DLC1: variants seen among roughly 807,000 people sequenced by gnomAD.
DLC1 encodes DLC1 Rho GTPase activating protein, also known as rho GTPase-activating protein 7.
In DLC1, 54 loss-of-function variants were observed where a neutral mutation model predicts 140.3. The ratio of observed to expected loss-of-function variants is 0.38; its 90% CI spans 0.31 to 0.48. DLC1 has a LOEUF of 0.48. Ranked by LOEUF, DLC1 falls within the 20% of genes least tolerant of loss-of-function variation. The pLI, the probability that DLC1 is intolerant of heterozygous loss-of-function variation, is 0.96. For synonymous variants in DLC1, 986 were observed against 728.1 expected, an observed-to-expected ratio of 1.35 and a Z score of -5.70; for missense variants, 2,536 against 1,907.0, an observed-to-expected ratio of 1.33 and a Z score of -6.14.
At chr8:13,471,584 C>T (rs1267999829) in intron 2 of DLC1, among the ~76,000 whole-genome samples, 1 of 151,606 alleles carries the variant, frequency 6.6e-6, no homozygotes, top group Non-Finnish European at 1.5e-5. Context: ...CGAATGGGTA[C>T]AAGGCTCAAT....
chr8:13,468,300 CT>C (rs1163103085), intron 2 of DLC1, among the ~76,000 whole-genome samples: 3 of 150,050 alleles, frequency 2.0e-5, no homozygotes, highest in Non-Finnish European at 4.4e-5. Context: ...AATAATAGTT[CT>C]TTTTTCCTTT....
chr8:13,180,506 C>A (rs1354424188), intron 5 of DLC1, among the ~76,000 whole-genome samples: 1 of 152,088 alleles, frequency 6.6e-6, no homozygotes, highest in African/African-American at 2.4e-5. Context: ...AAATCCCAAA[C>A]TAAGCACTTG....
intron 5 of DLC1, among the ~76,000 whole-genome samples, chr8:13,145,433 G>A: frequency 6.6e-6 from 1 of 152,124 alleles, no homozygotes; most frequent in Non-Finnish European, 1.5e-5. Flanking sequence ...ATTTCTCATA[G>A]AAAGGTGTGT....
intron 1 of DLC1, among the ~76,000 whole-genome samples, chr8:13,578,990 AACCGG>A (rs1335342264): frequency 2.0e-5 from 3 of 151,838 alleles, no homozygotes; most frequent in African/African-American, 7.2e-5. Context: ...TTCCTCTGGC[AACCGG>A]CTCCCATTCC....
At chr8:13,453,460 GTATATATATACATATATA>G (rs1563360260) in intron 2 of DLC1, among the ~76,000 whole-genome samples, 4 of 23,184 alleles carry the variant, frequency 1.7e-4, no homozygotes, top group South Asian at 1.4e-3. Context: ...ATATATATAT[GTATATATATACATATATA>G]TGTATATATA....
intron 5 of DLC1, among the ~76,000 whole-genome samples, chr8:13,188,318 G>A (rs2117010512): frequency 6.9e-6 from 1 of 144,412 alleles, no homozygotes; most frequent in East Asian, 2.1e-4. Context: ...CTTTTAAGAT[G>A]TCTACTTTGG....
At chr8:13,428,349 T>C (rs72603963) in intron 2 of DLC1, among the ~76,000 whole-genome samples, 13,635 of 152,178 alleles carry the variant, frequency 0.09, 707 homozygotes, top group East Asian at 0.14. Flanking sequence ...ACTTTAATTT[T>C]AATAGGCATG....
At chr8:13,454,922 G>C (rs1261153291) in intron 2 of DLC1, among the ~76,000 whole-genome samples, 1 of 152,096 alleles carries the variant, frequency 6.6e-6, no homozygotes, top group Non-Finnish European at 1.5e-5. Context: ...AGGTGGTAAA[G>C]ATTTTGGAGA....
chr8:13,450,524 C>G (rs144392821), intron 2 of DLC1, among the ~76,000 whole-genome samples: 23 of 148,334 alleles, frequency 1.6e-4, no homozygotes, highest in African/African-American at 5.5e-4. Context: ...TAGGGGTAGT[C>G]AAACTTAGAA....
intron 3 of DLC1, among the ~76,000 whole-genome samples, chr8:13,396,843 C>G (rs1011595255): frequency 6.6e-6 from 1 of 152,136 alleles, no homozygotes; most frequent in African/African-American, 2.4e-5. Context: ...CACATCCGCT[C>G]CCTCCTTTAA....
intron 2 of DLC1, among the ~76,000 whole-genome samples, chr8:13,464,766 T>A (rs112200542): frequency 0.12 from 895 of 7,184 alleles, 16 homozygotes; most frequent in Non-Finnish European, 0.15. Context: ...ATATATATAT[T>A]TATATATATA....
intron 2 of DLC1, among the ~76,000 whole-genome samples, chr8:13,456,042 A>G (rs1799372422): frequency 6.6e-6 from 1 of 152,204 alleles, no homozygotes; most frequent in Non-Finnish European, 1.5e-5. Flanking sequence ...GAGTGTTCTA[A>G]AGAATTAAAA....
At chr8:13,457,100 G>T (rs1212162037) in intron 2 of DLC1, among the ~76,000 whole-genome samples, 1 of 152,098 alleles carries the variant, frequency 6.6e-6, no homozygotes, top group African/African-American at 2.4e-5. Context: ...CCTTTTGGTT[G>T]CACTTAGTAT....
In DLC1 at chr8:13,568,125, T is replaced by C. The variant is rs1302280569; in HGVS notation, c.-126+36412A>G. 5 of 710,440 alleles carry C rather than the reference T, an allele frequency of 7.0e-6. No homozygotes were observed. In the African/African-American group the frequency reaches 9.1e-5, roughly 13 times the overall value. The allele number at this position is 710,440 out of a possible 1,614,324, so 44.0% of individuals were successfully genotyped here. On this transcript the variant is annotated intron_variant, in intron 1 of 1. Coordinates refer to the DLC1 transcript ENST00000631382. ...TTGTAGTTGGAATAGTTATAAAAAC[T>C]TTTACAAAATTCCAAGAGAACTATG...
chr8:13,553,063 T>C (rs1480853716), intron 1 of DLC1, among the ~76,000 whole-genome samples: 1 of 151,346 alleles, frequency 6.6e-6, no homozygotes, highest in Non-Finnish European at 1.5e-5. Context: ...TTAGTTTCAT[T>C]AATGCAATAG....
intron 2 of DLC1, among the ~76,000 whole-genome samples, chr8:13,457,676 C>CAAAAAAAAAAAAA (rs34916262): frequency 1.3e-3 from 71 of 54,736 alleles, no homozygotes; most frequent in South Asian, 2.0e-3. Flanking sequence ...GACTCCATCT[C>CAAAAAAAAAAAAA]AAAAAAAAAA....
chr8:13,128,924 ATT>A (rs5889421), intron 5 of DLC1, among the ~76,000 whole-genome samples: 261 of 2,608 alleles, frequency 0.1, 2 homozygotes, highest in East Asian at 0.4. Flanking sequence ...AAGGCAGAAC[ATT>A]AATTATGATG....
chr8:13,533,431 G>C (rs1242291821), intron 1 of DLC1, among the ~76,000 whole-genome samples: 1 of 152,116 alleles, frequency 6.6e-6, no homozygotes. Context: ...TTGGACCCCA[G>C]TTTTCTCATC....
chr8:13,481,548 C>T (rs1333984917), intron 2 of DLC1, among the ~76,000 whole-genome samples: 3 of 152,010 alleles, frequency 2.0e-5, no homozygotes, highest in Non-Finnish European at 4.4e-5. Context: ...AATAAACGTC[C>T]GTTGTTATGA....
Sources: gnomAD v4.1 joint callset for allele counts (sites outside exome capture counted in the v4.1 genomes callset) on GRCh38, gnomAD v4.1.1 for gene constraint, MANE v1.5 for transcripts, NCBI Gene and HGNC (gene_info 2026-07-23, HGNC 2026-07-21) for gene names.